Variants in TRAK1 observed in about 807,000 individuals in gnomAD.
The protein encoded by TRAK1 is trafficking kinesin-binding protein 1.
TRAK1 carries 33 observed loss-of-function variants against 92.1 expected under a neutral mutation model. That is an observed-to-expected ratio of 0.36 (90% confidence interval 0.27 to 0.48). The LOEUF is 0.48. Ranked by LOEUF, TRAK1 falls within the 20% of genes least tolerant of loss-of-function variation. TRAK1 has a pLI of 0.99. For synonymous variants in TRAK1, 521 were observed against 517.3 expected (o/e 1.01, Z -0.10); for missense variants, 1,123 against 1,257.9 (o/e 0.89, Z 1.62).
intron 1 of TRAK1, among the ~76,000 whole-genome samples, chr3:42,101,150 A>C (rs1447209314): frequency 1.3e-5 from 2 of 152,202 alleles, no homozygotes; most frequent in African/African-American, 4.8e-5. Flanking sequence ...GACCTACCTA[A>C]GGACATGTTC....
intron 1 of TRAK1, among the ~76,000 whole-genome samples, chr3:42,093,635 CTT>C (rs1377122498): frequency 7.2e-6 from 1 of 139,444 alleles, no homozygotes; most frequent in Admixed American, 7.2e-5. Flanking sequence ...TCTCTTCTCT[CTT>C]CTCTTTTTTC....
chr3:42,189,164 G>C (rs1433094194), intron 6 of TRAK1, 40 bp downstream of exon 6: 3 of 1,502,604 alleles, frequency 2.0e-6, no homozygotes, highest in East Asian at 2.3e-5. Context: ...CTAGAAGGGT[G>C]GTGGCCCCAT....
chr3:42,080,777 A>G (rs986321176), intron 1 of TRAK1, among the ~76,000 whole-genome samples: 2 of 152,338 alleles, frequency 1.3e-5, no homozygotes, highest in Middle Eastern at 3.4e-3. Context: ...CAAGCTAGAA[A>G]GTGGGTGGAG....
intron 1 of TRAK1, among the ~76,000 whole-genome samples, chr3:42,124,575 C>T (rs1405183372): frequency 6.6e-6 from 1 of 152,172 alleles, no homozygotes; most frequent in Non-Finnish European, 1.5e-5. Context: ...CATTAGTATG[C>T]ACCCCCTGAG....
intron 1 of TRAK1, among the ~76,000 whole-genome samples, chr3:42,062,146 A>G (rs1226461112): frequency 6.6e-6 from 1 of 152,204 alleles, no homozygotes; most frequent in East Asian, 1.9e-4. Context: ...CAAGTCACTC[A>G]CCTTCTAACA....
intron 2 of TRAK1, among the ~76,000 whole-genome samples, chr3:42,141,657 C>G (rs1448215343): frequency 6.6e-6 from 1 of 152,188 alleles, no homozygotes; most frequent in Non-Finnish European, 1.5e-5. Context: ...CTTGCAGTTT[C>G]TGGTGGCTGC....
intron 4 of TRAK1, among the ~76,000 whole-genome samples, chr3:42,186,853 C>T (rs539320613): frequency 1.1e-4 from 16 of 152,268 alleles, no homozygotes; most frequent in East Asian, 7.7e-4. Flanking sequence ...CTTTTATGCA[C>T]GTAAAATTGT....
chr3:42,218,203 C>T (rs1291763342), intron 14 of TRAK1: 11 of 985,238 alleles, frequency 1.1e-5, no homozygotes, highest in East Asian at 1.1e-4. Flanking sequence ...TTTGTGTCAT[C>T]GGGTTCCTGG....
upstream of TRAK1, among the ~76,000 whole-genome samples, chr3:42,085,321 C>T (rs958500301): frequency 5.9e-5 from 9 of 152,236 alleles, no homozygotes; most frequent in East Asian, 1.9e-4. Flanking sequence ...GCATGCGCCA[C>T]GATGCCCAGC....
At chr3:42,023,737 C>T (rs1271949326) in intron 1 of TRAK1, among the ~76,000 whole-genome samples, 1 of 131,202 alleles carries the variant, frequency 7.6e-6, no homozygotes, top group Non-Finnish European at 1.6e-5. Context: ...TTGACGTGCT[C>T]GTGAGGGTTT....
At chr3:42,113,944 A>T (rs1708828625) in intron 1 of TRAK1, among the ~76,000 whole-genome samples, 1 of 151,966 alleles carries the variant, frequency 6.6e-6, no homozygotes, top group Non-Finnish European at 1.5e-5. Flanking sequence ...CATTTTCATC[A>T]CCCCAAAAGG....
At chr3:42,130,588 G>T (rs1232937533) in intron 2 of TRAK1, among the ~76,000 whole-genome samples, 4 of 152,120 alleles carry the variant, frequency 2.6e-5, no homozygotes, top group African/African-American at 7.2e-5. Flanking sequence ...ACATCTCCTG[G>T]ACTATTTATT....
chr3:42,139,395 A>G (rs1698386057), intron 2 of TRAK1, among the ~76,000 whole-genome samples: 1 of 152,184 alleles, frequency 6.6e-6, no homozygotes, highest in South Asian at 2.1e-4. Context: ...CACTTTCTCT[A>G]CATTAGCCAA....
chr3:42,184,677 T>G lies in TRAK1; in HGVS notation c.364-8T>G. On this transcript the variant is annotated splice_polypyrimidine_tract_variant and splice_region_variant and intron_variant, in intron 3 of 15. Transcript: ENST00000327628. ...TTGAATCTCTGTTCTCCCTCTTTCCTTTTGTAGAAAGAGCGGGATTTAGAA... is the reference window on the plus strand; with the variant it reads ...TTGAATCTCTGTTCTCCCTCTTTCCGTTTGTAGAAAGAGCGGGATTTAGAA... 2 of 1,613,298 alleles carry G rather than the reference T, an allele frequency of 1.2e-6. No individual in the cohort carries two copies. The highest frequency in any genetic ancestry group is 2.2e-5 in the South Asian group (2 of 91,050).
rs577686684 is a variant in TRAK1, at chr3:42,224,188, T to TCGCCC, written c.*452_*456dup. Reference sequence around the variant, plus strand: ...TCTGGGTGTCATCGGACACCTCACCTCGCCCACCCTGTAGGAGCGTAAGGA... The same window carrying TCGCCC: ...TCTGGGTGTCATCGGACACCTCACCTCGCCCCGCCCACCCTGTAGGAGCGTAAGGA... On this transcript the variant is annotated 3_prime_UTR_variant, in exon 16 of 16. Transcript: ENST00000327628. 1.1e-3 allele frequency: 494 copies of TCGCCC among 434,646 alleles called. 1 individual carries two copies. Among genetic ancestry groups the TCGCCC allele is most frequent in the Admixed American group, 2.2e-3 (80 of 36,890 alleles). The allele number at this position is 434,646 out of a possible 1,614,324, so 26.9% of individuals were successfully genotyped here.
rs199746888 is a variant in TRAK1 at position 42,125,444 on chromosome 3, C to T, written c.116C>T (p.Pro39Leu). Residue 39 changes from proline to leucine, a missense_variant, in exon 2 of 16, where the codon CCG (proline) becomes CTG (leucine). Pro to Leu is a moderately conservative substitution (Grantham distance 98, BLOSUM62 -3). Transcript: ENST00000327628. ...GATGTGTGCAACAGCACCGATCTTC[C>T]GGAAGTCGAGATCATTAGCCTGCTG... ...ACDVCNSTDL[P>L]EVEIISLLEE... is the part of the protein sequence containing the mutation. 94 of 1,614,128 alleles carry T rather than the reference C, an allele frequency of 5.8e-5. No homozygotes were observed. The highest frequency in any genetic ancestry group is 7.3e-5 in the Non-Finnish European group (86 of 1,180,010).
chr3:42,028,392 C>T (rs185430486), intron 1 of TRAK1, among the ~76,000 whole-genome samples: 3 of 152,310 alleles, frequency 2.0e-5, no homozygotes, highest in African/African-American at 4.8e-5. Flanking sequence ...TAAGTGTGAG[C>T]TGTGTGGCTT....
chr3:42,141,450 T>C (rs903153831), intron 2 of TRAK1, among the ~76,000 whole-genome samples: 25 of 152,198 alleles, frequency 1.6e-4, no homozygotes, highest in African/African-American at 5.5e-4. Context: ...GTAATCTTAA[T>C]AGATATTAAA....
intron 1 of TRAK1, among the ~76,000 whole-genome samples, chr3:42,053,852 A>G (rs920364200): frequency 6.6e-6 from 1 of 152,160 alleles, no homozygotes; most frequent in African/African-American, 2.4e-5. Flanking sequence ...ATCCCACACA[A>G]TTGGGACCAA....
Sources: gnomAD v4.1 joint callset for allele counts (sites outside exome capture counted in the v4.1 genomes callset) on GRCh38, gnomAD v4.1.1 for gene constraint, MANE v1.5 for transcripts, NCBI Gene and HGNC (gene_info 2026-07-23, HGNC 2026-07-21) for gene names.